The following ZNF766 variants were observed in gnomAD, a reference collection of about 807,000 sequenced individuals.
ZNF766 encodes zinc finger protein 766.
A neutral mutation model predicts 13.2 loss-of-function variants in ZNF766; 13 were observed. The ratio of observed to expected loss-of-function variants is 0.98; its 90% CI spans 0.64 to 1.56. The LOEUF (loss-of-function observed/expected upper bound fraction) is 1.56, where lower values mean the gene tolerates loss of function less well. Ranked by LOEUF, ZNF766 falls within the 40% of genes most tolerant of loss-of-function variation. ZNF766 has a pLI of 0.00. For missense variants in ZNF766, 521 were observed against 552.2 expected, an observed-to-expected ratio of 0.94 and a Z score of 0.57; for synonymous variants, 178 against 187.6, an observed-to-expected ratio of 0.95 and a Z score of 0.42.
intron 1 of ZNF766, among the ~76,000 whole-genome samples, chr19:52,273,907 A>G (rs1228871282): frequency 6.6e-6 from 1 of 152,186 alleles, no homozygotes; most frequent in East Asian, 1.9e-4. Flanking sequence ...CTTACCTGAG[A>G]TTCCCATTCA....
intron 3 of ZNF766, among the ~76,000 whole-genome samples, chr19:52,285,756 C>G (rs745621587): frequency 6.6e-6 from 1 of 152,074 alleles, no homozygotes; most frequent in South Asian, 2.1e-4. Flanking sequence ...TCTTAAGACC[C>G]GCAATCAGAA....
intron 1 of ZNF766, among the ~76,000 whole-genome samples, chr19:52,273,686 C>T (rs1276806891): frequency 6.6e-6 from 1 of 152,230 alleles, no homozygotes; most frequent in Non-Finnish European, 1.5e-5. Flanking sequence ...ATTTAACACT[C>T]CAGCTACACC....
intron 1 of ZNF766, among the ~76,000 whole-genome samples, chr19:52,280,108 T>A (rs1306737382): frequency 3.3e-5 from 5 of 152,296 alleles, no homozygotes; most frequent in African/African-American, 1.2e-4. Context: ...TCTACTTTTT[T>A]TAAATAGCTT....
intron 3 of ZNF766, among the ~76,000 whole-genome samples, chr19:52,287,327 G>A (rs1007487002): frequency 7.2e-5 from 11 of 152,144 alleles, no homozygotes; most frequent in African/African-American, 2.4e-4. Context: ...ATTTTTAGTA[G>A]AGACGGGGTT....
Position 52,291,957 on chromosome 19 carries a change from AG to A in ZNF766, c.*760del. On this transcript the variant is annotated 3_prime_UTR_variant, in exon 4 of 4. Transcript: ENST00000439461. Reference sequence around the variant, plus strand: ...GCCCTTGGCATGTGTCTGTAGTTCCAGCTACTCAAGAGGCCGAGGCAAGAGG... The same window carrying A: ...GCCCTTGGCATGTGTCTGTAGTTCCACTACTCAAGAGGCCGAGGCAAGAGG... The A allele has an allele frequency of 1.8e-6, 1 of 556,960 alleles. No individual in the cohort carries two copies. Among genetic ancestry groups the A allele is most frequent in the Non-Finnish European group, 3.2e-6 (1 of 314,464 alleles). The allele number at this position is 556,960 out of a possible 1,614,324, so 34.5% of individuals were successfully genotyped here.
intron 1 of ZNF766, chr19:52,281,694 C>G: frequency 2.3e-6 from 1 of 427,448 alleles, no homozygotes; most frequent in South Asian, 1.8e-5. Context: ...ACTTTTAATG[C>G]TGATCTGTTA....
intron 1 of ZNF766, chr19:52,275,565 C>CA (rs918163136): frequency 2.0e-5 from 3 of 152,202 alleles, no homozygotes; most frequent in African/African-American, 7.2e-5. Flanking sequence ...ATCACTCACT[C>CA]ACTCACCCAC....
At chr19:52,285,221 A>T (rs1273574925) in intron 3 of ZNF766, 3 of 152,170 alleles carry the variant, frequency 2.0e-5, no homozygotes, top group Non-Finnish European at 4.4e-5. Flanking sequence ...TTATCAACAC[A>T]GAAGAAGACT....
intron 1 of ZNF766, among the ~76,000 whole-genome samples, chr19:52,280,131 TGTTTATAAACTA>T (rs1981423858): frequency 6.6e-6 from 1 of 152,172 alleles, no homozygotes; most frequent in African/African-American, 2.4e-5. Flanking sequence ...TATACAATAA[TGTTTATAAACTA>T]AACTGAGTAC....
At chr19:52,284,210 G>A (rs530445988) in intron 3 of ZNF766, among the ~76,000 whole-genome samples, 20 of 152,326 alleles carry the variant, frequency 1.3e-4, no homozygotes, top group South Asian at 4.1e-4. Flanking sequence ...CTTCAAAGGA[G>A]TCCCTTTTCC....
At chr19:52,285,381 C>T (rs62110410) in intron 3 of ZNF766, among the ~76,000 whole-genome samples, 17,038 of 152,246 alleles carry the variant, frequency 0.11, 1,187 homozygotes, top group Middle Eastern at 0.24. Flanking sequence ...CCCCCCTTCC[C>T]ACCAGTTGCA....
chr19:52,274,366 C>T (rs62110397), intron 1 of ZNF766: 28,121 of 152,486 alleles, frequency 0.18, 2,901 homozygotes, highest in African/African-American at 0.27. Flanking sequence ...GAAAAATTCC[C>T]GTTGCCTAGC....
chr19:52,271,538 C>T (rs1238082826), intron 1 of ZNF766, among the ~76,000 whole-genome samples: 1 of 152,198 alleles, frequency 6.6e-6, no homozygotes, highest in African/African-American at 2.4e-5. Flanking sequence ...TGCGATTGTG[C>T]ACCAGGTGCC....
chr19:52,295,165 C>T lies in ZNF766; in HGVS notation c.*3967C>T, dbSNP rs1349787252. 2.7e-5 allele frequency: 4 copies of T among 150,804 alleles called. No homozygotes were observed. Among genetic ancestry groups the T allele is most frequent in the Non-Finnish European group, 5.9e-5 (4 of 67,838 alleles). The allele number at this position is 150,804 out of a possible 1,614,324, so 9.3% of individuals were successfully genotyped here. A position where few individuals can be genotyped will look rare whatever the true frequency, so the allele number is the denominator to read the frequency against. On this transcript the variant is annotated 3_prime_UTR_variant, in exon 4 of 4. Coordinates refer to ENST00000439461, the MANE Select transcript of ZNF766 (RefSeq NM_001010851.3). ...TACTTTTTTCTTTTTCTGTACATTG[C>T]ATCCAGATGCTATGCTTGTTTGTTT...
intron 1 of ZNF766, among the ~76,000 whole-genome samples, chr19:52,270,268 G>T (rs1040682101): frequency 1.3e-5 from 2 of 152,084 alleles, no homozygotes; most frequent in Non-Finnish European, 2.9e-5. Flanking sequence ...AAAGAGAGAT[G>T]GAGAGCGAGG....
In ZNF766 at chr19:52,295,395, G is replaced by T. The variant is rs1982304525; in HGVS notation, c.*4197G>T. 6.6e-6 allele frequency: 1 copy of T among 152,194 alleles called. No homozygotes were observed. Among genetic ancestry groups the T allele is most frequent in the Non-Finnish European group, 1.5e-5 (1 of 68,074 alleles). The allele number at this position is 152,194 out of a possible 1,614,324, so 9.4% of individuals were successfully genotyped here. A position where few individuals can be genotyped will look rare whatever the true frequency, so the allele number is the denominator to read the frequency against. ...GATGGGGTTTCACCATGTTGGCCAG[G>T]CATGGTCTTGAACTCCTGACTTCAG... On this transcript the variant is annotated 3_prime_UTR_variant, in exon 4 of 4. Coordinates refer to ENST00000439461, the MANE Select transcript of ZNF766 (RefSeq NM_001010851.3).
intron 3 of ZNF766, among the ~76,000 whole-genome samples, chr19:52,287,686 C>T (rs889677293): frequency 2.6e-5 from 4 of 152,166 alleles, no homozygotes; most frequent in African/African-American, 9.7e-5. Context: ...AGATTTTCTA[C>T]TTCATTGTTA....
intron 1 of ZNF766, among the ~76,000 whole-genome samples, chr19:52,279,130 A>G (rs1981357002): frequency 6.6e-6 from 1 of 152,146 alleles, no homozygotes; most frequent in African/African-American, 2.4e-5. Flanking sequence ...TGAAATAGGG[A>G]GTCTTTTCCC....
At position 52,290,136 on chromosome 19, in the gene ZNF766, G is replaced by T. The variant is rs1982048171; in HGVS notation, c.345G>T (p.Gln115His). 2 of 1,614,026 alleles carry T rather than the reference G, an allele frequency of 1.2e-6. No individual in the cohort carries two copies. The highest frequency in any genetic ancestry group is 1.7e-6 in the Non-Finnish European group (2 of 1,179,994). Residue 115 changes from glutamine to histidine, a missense_variant, in exon 4 of 4, where the codon CAG (glutamine) becomes CAT (histidine). Transcript: ENST00000439461. ...CAAATCAACTTGGATTAACCTTTCA[G>T]TTACCTCTGCCAGAACTGGAGATAT... ...PITNQLGLTF[Q>H]LPLPELEIFQ...
Sources: gnomAD v4.1 joint callset for allele counts (sites outside exome capture counted in the v4.1 genomes callset) on GRCh38, gnomAD v4.1.1 for gene constraint, MANE v1.5 for transcripts, NCBI Gene and HGNC (gene_info 2026-07-23, HGNC 2026-07-21) for gene names.